The following CLPSL1 variants were observed in gnomAD, a reference collection of about 807,000 sequenced individuals.
CLPSL1 encodes colipase like 1, also known as colipase-like protein 1.
In CLPSL1, 13 loss-of-function variants were observed where a neutral mutation model predicts 9.3. The observed-to-expected ratio is 1.40, with a 90% CI of 0.91 to 2.22. The LOEUF (loss-of-function observed/expected upper bound fraction) is 2.22, where lower values mean the gene tolerates loss of function less well. Among genes scored for constraint, CLPSL1 ranks in the 30% most tolerant of loss-of-function variants. CLPSL1 has a pLI of 0.00. For missense variants in CLPSL1, 164 were observed against 146.6 expected (o/e 1.12, Z -0.61); for synonymous variants, 58 against 56.9 (o/e 1.02, Z -0.08).
intron 1 of CLPSL1, among the ~76,000 whole-genome samples, chr6:35,783,962 C>T (rs1037147815): frequency 7.9e-5 from 12 of 152,098 alleles, no homozygotes; most frequent in Non-Finnish European, 5.9e-5. Context: ...ATATCTGAGA[C>T]AGGTCTCAGT....
At chr6:35,784,736 T>TACC (rs1554144495) in intron 1 of CLPSL1, among the ~76,000 whole-genome samples, 2 of 152,196 alleles carry the variant, frequency 1.3e-5, no homozygotes, top group African/African-American at 4.8e-5. Flanking sequence ...TCCTGTCTCT[T>TACC]ACTGGTGGAA....
chr6:35,786,426 T>C (rs546767488), intron 1 of CLPSL1, among the ~76,000 whole-genome samples: 1 of 152,286 alleles, frequency 6.6e-6, no homozygotes, highest in South Asian at 2.1e-4. Flanking sequence ...TGGACAGGGA[T>C]TTCTGTTTTT....
chr6:35,786,042 A>G (rs1432304853), intron 1 of CLPSL1, among the ~76,000 whole-genome samples: 2 of 151,788 alleles, frequency 1.3e-5, no homozygotes, highest in African/African-American at 4.8e-5. Context: ...AGGCGGGTGG[A>G]TCACCTGAGG....
chr6:35,785,886 C>G (rs1188991339), intron 1 of CLPSL1, among the ~76,000 whole-genome samples: 1 of 144,004 alleles, frequency 6.9e-6, no homozygotes, highest in East Asian at 2.0e-4. Flanking sequence ...GAGGTTGAGG[C>G]TACAGTGAGC....
intron 1 of CLPSL1, 61 bp downstream of exon 1, chr6:35,781,270 G>T: frequency 1.9e-6 from 3 of 1,583,264 alleles, no homozygotes; most frequent in Non-Finnish European, 1.7e-6. Context: ...TGTACTATTT[G>T]GGGAGGTGAG....
intron 1 of CLPSL1, chr6:35,793,355 G>A (rs554649820): frequency 5.7e-5 from 25 of 435,640 alleles, no homozygotes; most frequent in Non-Finnish European, 8.7e-5. Flanking sequence ...AACCCAGGAG[G>A]CAGAAGTTGC....
At chr6:35,788,865 T>C (rs540798860), downstream of CLPSL1, among the ~76,000 whole-genome samples, 18 of 152,384 alleles carry the variant, frequency 1.2e-4, no homozygotes, top group East Asian at 3.3e-3. Flanking sequence ...GTAGTGCCTG[T>C]TATATTCAGG....
Position 35,782,911 on chromosome 6 carries a change from C to T in CLPSL1, c.99+1702C>T, listed in dbSNP as rs117934980. 7.2e-4 allele frequency among the ~76,000 whole-genome samples: 110 copies of T among 152,018 alleles called. 1 individual carries two copies. The East Asian group carries it at 0.02, about 28-fold the overall frequency. On this transcript the variant is annotated intron_variant, in intron 1 of 2. Transcript: ENST00000373861. ...CCTTATTTTCTTTATAGCACATAAT[C>T]GTACATAATAGGATTATACATATAT... is the stretch of plus-strand genomic sequence containing the variant.
At chr6:35,790,054 G>A (rs1473298232), downstream of CLPSL1, among the ~76,000 whole-genome samples, 1 of 152,190 alleles carries the variant, frequency 6.6e-6, no homozygotes, top group Non-Finnish European at 1.5e-5. Context: ...AGCCTCCTGA[G>A]TAACTGGGAC....
chr6:35,793,614 A>G, exon 2 of CLPSL1: 1 of 469,108 alleles, frequency 2.1e-6, no homozygotes, highest in East Asian at 7.0e-5. Flanking sequence ...GAATGCCAGC[A>G]CTTCCTGTGT....
chr6:35,785,729 G>A (rs528311345), intron 1 of CLPSL1, among the ~76,000 whole-genome samples: 1 of 152,190 alleles, frequency 6.6e-6, no homozygotes, highest in East Asian at 1.9e-4. Context: ...CCTGGTGGGT[G>A]GGGGAGAGCC....
intron 1 of CLPSL1, among the ~76,000 whole-genome samples, chr6:35,785,071 C>T (rs969372332): frequency 7.9e-5 from 12 of 152,088 alleles, no homozygotes; most frequent in African/African-American, 2.9e-4. Flanking sequence ...TGCGCAGTGT[C>T]CTCCTTACCC....
chr6:35,791,406 C>G (rs540004382), downstream of CLPSL1, among the ~76,000 whole-genome samples: 4 of 152,226 alleles, frequency 2.6e-5, no homozygotes, highest in South Asian at 8.3e-4. Context: ...GTCAGGAGTT[C>G]GAGACCAGCC....
chr6:35,785,333 A>G (rs1455406457), intron 1 of CLPSL1, among the ~76,000 whole-genome samples: 2 of 151,716 alleles, frequency 1.3e-5, no homozygotes, highest in African/African-American at 4.8e-5. Context: ...ACCCGCCACC[A>G]CGCCCAGCTA....
chr6:35,787,019 C>T lies in CLPSL1; in HGVS notation c.121C>T (p.Arg41Trp), dbSNP rs767371707. The T allele has an allele frequency of 4.4e-6, 7 of 1,587,056 alleles. No homozygotes were observed. The highest frequency in any genetic ancestry group is 4.3e-6 in the Non-Finnish European group (5 of 1,168,584). ...GCAGGAGCTCAAGGAGTCTTGCATC[C>T]GGAACCAGGACTGCGAGACTGGCTG... The part of the protein sequence containing the change: ...NLLELKESCI[R>W]NQDCETGCCQ... The change falls in exon 2 of 3, where the codon CGG becomes TGG. Residue 41 changes from arginine (R) to tryptophan (W), a missense_variant. Physicochemically the swap from Arg to Trp is moderately radical, Grantham distance 101 (BLOSUM62 -3). Transcript: ENST00000373861.
downstream of CLPSL1, among the ~76,000 whole-genome samples, chr6:35,792,040 C>T (rs370278444): frequency 1.3e-5 from 2 of 150,776 alleles, no homozygotes; most frequent in South Asian, 2.1e-4. Flanking sequence ...GAGCCGAGAT[C>T]GCACTATTGC....
In CLPSL1 at chr6:35,781,134, G is replaced by A; in HGVS notation, c.24G>A (p.Leu8=). Residue 8 remains leucine, a synonymous_variant, in exon 1 of 3, where the codon CTG becomes CTA. Transcript: ENST00000373861. MMLPQWL[L]LLFLLFFFLF... ...CCATGATGCTACCCCAATGGCTGCTGCTGCTGTTCCTTCTCTTCTTCTTTC... is the reference window on the plus strand; with the variant it reads ...CCATGATGCTACCCCAATGGCTGCTACTGCTGTTCCTTCTCTTCTTCTTTC... 1.2e-6 allele frequency: 2 copies of A among 1,614,054 alleles called. No homozygotes were observed. Among genetic ancestry groups the A allele is most frequent in the Non-Finnish European group, 1.7e-6 (2 of 1,179,942 alleles).
At chr6:35,793,550 G>A in exon 2 of CLPSL1, 1 of 471,840 alleles carries the variant, frequency 2.1e-6, no homozygotes. Flanking sequence ...ATGAGCTGCT[G>A]CTAAGGCATG....
At chr6:35,791,030 G>A (rs1220453045), downstream of CLPSL1, among the ~76,000 whole-genome samples, 4 of 148,076 alleles carry the variant, frequency 2.7e-5, no homozygotes, top group African/African-American at 7.6e-5. Context: ...GGGTGACAGA[G>A]CAAGACTCTG....
Sources: allele counts gnomAD v4.1 joint callset (sites outside exome capture counted in the v4.1 genomes callset), GRCh38; gene constraint gnomAD v4.1.1; transcripts MANE v1.5; gene names NCBI Gene and HGNC (gene_info 2026-07-23, HGNC 2026-07-21).